ZNF736: variants seen among roughly 807,000 people sequenced by gnomAD.
The protein encoded by ZNF736 is zinc finger protein 736.
ZNF736 carries 6 observed loss-of-function variants against 11.7 expected under a neutral mutation model. That is an observed-to-expected ratio of 0.51 (90% CI 0.28 to 1.01). The LOEUF (loss-of-function observed/expected upper bound fraction) is 1.01, where lower values mean the gene tolerates loss of function less well. Ranked by LOEUF, ZNF736 falls within the 50% of genes least tolerant of loss-of-function variation. The pLI is 0.09. For missense variants in ZNF736, 444 were observed against 496.0 expected (o/e 0.90, Z 1.00); for synonymous variants, 139 against 164.7 (o/e 0.84, Z 1.19).
intron 1 of ZNF736, among the ~76,000 whole-genome samples, chr7:64,316,762 A>G (rs1024484860): frequency 1.8e-4 from 28 of 152,186 alleles, no homozygotes; most frequent in Admixed American, 8.5e-4. Context: ...ATTTTCTAAA[A>G]GAAAAGAGGT....
At chr7:64,336,649 A>T (rs1789255546) in intron 2 of ZNF736, among the ~76,000 whole-genome samples, 1 of 152,218 alleles carries the variant, frequency 6.6e-6, no homozygotes, top group Admixed American at 6.5e-5. Context: ...ATTGTTACCC[A>T]CACCTAAAAA....
At chr7:64,335,729 T>C (rs1789239761) in intron 1 of ZNF736, among the ~76,000 whole-genome samples, 1 of 152,166 alleles carries the variant, frequency 6.6e-6, no homozygotes, top group African/African-American at 2.4e-5. Flanking sequence ...TCAAATAAAC[T>C]AAAAACCTAG....
chr7:64,335,706 C>T (rs1160860681), intron 1 of ZNF736, among the ~76,000 whole-genome samples: 1 of 152,180 alleles, frequency 6.6e-6, no homozygotes, highest in Non-Finnish European at 1.5e-5. Flanking sequence ...AGGCTCTCGT[C>T]TTTCTTTACT....
intron 1 of ZNF736, among the ~76,000 whole-genome samples, chr7:64,332,471 G>A (rs1371066016): frequency 1.3e-5 from 2 of 152,196 alleles, no homozygotes; most frequent in African/African-American, 4.8e-5. Context: ...AAGATCACAT[G>A]CTTCTGAGGG....
intron 1 of ZNF736, among the ~76,000 whole-genome samples, chr7:64,322,522 T>C (rs961858496): frequency 2.0e-5 from 3 of 152,164 alleles, no homozygotes; most frequent in Admixed American, 6.5e-5. Context: ...CAAAATACAT[T>C]GTGAGCAGGA....
intron 1 of ZNF736, among the ~76,000 whole-genome samples, chr7:64,316,643 T>C (rs1473570413): frequency 1.3e-5 from 2 of 152,172 alleles, no homozygotes; most frequent in Admixed American, 6.5e-5. Context: ...CAGCACTACT[T>C]CTCCCTGTGT....
At chr7:64,337,746 G>GTTTTTTTTTTT (rs1187066176) in intron 3 of ZNF736, among the ~76,000 whole-genome samples, 1 of 79,360 alleles carries the variant, frequency 1.3e-5, no homozygotes, top group African/African-American at 4.0e-5. Context: ...GTTTTGTTTT[G>GTTTTTTTTTTT]TTTTTTTTGG....
At chr7:64,342,898 T>C (rs1463281004) in intron 3 of ZNF736, among the ~76,000 whole-genome samples, 23 of 152,110 alleles carry the variant, frequency 1.5e-4, no homozygotes, top group Non-Finnish European at 1.8e-4. Flanking sequence ...CATATTGTAC[T>C]GTATTTATAT....
intron 1 of ZNF736, among the ~76,000 whole-genome samples, chr7:64,335,000 G>T (rs942257998): frequency 6.6e-6 from 1 of 152,116 alleles, no homozygotes; most frequent in Non-Finnish European, 1.5e-5. Flanking sequence ...CATGGATGAA[G>T]CTGGAACCAT....
At chr7:64,320,187 G>A (rs1312947944) in intron 1 of ZNF736, among the ~76,000 whole-genome samples, 3 of 152,128 alleles carry the variant, frequency 2.0e-5, no homozygotes, top group Admixed American at 1.3e-4. Flanking sequence ...TAGCTCTTCT[G>A]TAATCAAAAC....
Position 64,348,940 on chromosome 7 carries a change from C to A in ZNF736, c.1077C>A (p.His359Gln). The stretch of plus-strand genomic sequence containing the variant: ...CCCGCTCCTCAACCCTTTTTAACCA[C>A]AAGAGAATTCATATGGAAGAGAGAC... ...AFTRSSTLFN[H>Q]KRIHMEERPY... Residue 359 changes from histidine (H) to glutamine (Q), a missense_variant, in exon 4 of 4, where the codon CAC becomes CAA. His to Gln is a conservative substitution (Grantham distance 24). Transcript: ENST00000423484. 1 of 1,596,910 alleles carries A rather than the reference C, an allele frequency of 6.3e-7. No homozygotes were observed. The highest frequency in any genetic ancestry group is 8.5e-7 in the Non-Finnish European group (1 of 1,171,154).
Position 64,353,669 on chromosome 7 carries a change from C to T in ZNF736, c.*4522C>T, listed in dbSNP as rs750280066. On this transcript the variant is annotated 3_prime_UTR_variant, in exon 4 of 4. Transcript: ENST00000423484. Reference sequence around the variant, plus strand: ...GGATTAAGTAAACTGAAACCTAAGACACACGAAGAAATTCTAAGTGGAAAG... The same window carrying T: ...GGATTAAGTAAACTGAAACCTAAGATACACGAAGAAATTCTAAGTGGAAAG... 1.4e-5 allele frequency: 2 copies of T among 145,242 alleles called. No homozygotes were observed. The highest frequency in any genetic ancestry group is 5.2e-5 in the African/African-American group (2 of 38,622). 9.0% of individuals were successfully genotyped at this position (145,242 alleles called of 1,614,324 possible).
chr7:64,326,288 G>T (rs1789081900), intron 1 of ZNF736, among the ~76,000 whole-genome samples: 1 of 152,274 alleles, frequency 6.6e-6, no homozygotes, highest in East Asian at 1.9e-4. Flanking sequence ...CCCAAAATCT[G>T]CAGGCAGAAT....
intron 1 of ZNF736, among the ~76,000 whole-genome samples, chr7:64,329,586 T>C (rs1488063052): frequency 2.0e-5 from 3 of 152,102 alleles, no homozygotes; most frequent in Admixed American, 1.3e-4. Flanking sequence ...CTTTTTCTAT[T>C]TTTTTACATT....
At chr7:64,332,406 T>C (rs1409330361) in intron 1 of ZNF736, among the ~76,000 whole-genome samples, 1 of 151,888 alleles carries the variant, frequency 6.6e-6, no homozygotes, top group Non-Finnish European at 1.5e-5. Flanking sequence ...GGAGGGGGTG[T>C]AAAACAGGGA....
At chr7:64,340,010 G>A (rs750567426) in intron 3 of ZNF736, among the ~76,000 whole-genome samples, 1 of 152,138 alleles carries the variant, frequency 6.6e-6, no homozygotes, top group Non-Finnish European at 1.5e-5. Flanking sequence ...TGCTTTTAGT[G>A]GGTTTGTTAC....
At position 64,356,517 on chromosome 7, in the gene ZNF736, T is replaced by G. The variant is rs1187448983; in HGVS notation, c.*7370T>G. 1.3e-5 allele frequency among the ~76,000 whole-genome samples: 2 copies of G among 152,166 alleles called. No individual in the cohort carries two copies. The highest frequency in any genetic ancestry group is 4.8e-5 in the African/African-American group (2 of 41,464). Reference sequence around the variant, plus strand: ...AATTGCATACCTAGCTAAATTTTTTTAAGATTGAGGATAATATGTAAAATA... The same window carrying G: ...AATTGCATACCTAGCTAAATTTTTTGAAGATTGAGGATAATATGTAAAATA... On this transcript the variant is annotated 3_prime_UTR_variant, in exon 4 of 4. Transcript: ENST00000423484.
chr7:64,336,327 T>C lies in ZNF736; in HGVS notation c.72T>C (p.Ala24=), dbSNP rs1419391319. The C allele has an allele frequency of 5.0e-6, 8 of 1,613,862 alleles. No homozygotes were observed. The highest frequency in any genetic ancestry group is 1.6e-4 in the Middle Eastern group (1 of 6,062). ...SPEEWECLDS[A]QQRLYRDVML... is the part of the protein sequence containing the mutation. ...AAGAGTGGGAATGCCTGGACTCTGCTCAGCAGCGTTTGTATAGGGATGTGA... is the reference window on the plus strand; with the variant it reads ...AAGAGTGGGAATGCCTGGACTCTGCCCAGCAGCGTTTGTATAGGGATGTGA... Residue 24 remains alanine, a synonymous_variant, in exon 2 of 4, where the codon GCT becomes GCC. Transcript: ENST00000423484.
chr7:64,332,828 TA>T (rs1789189856), intron 1 of ZNF736, among the ~76,000 whole-genome samples: 3 of 152,216 alleles, frequency 2.0e-5, no homozygotes, highest in Non-Finnish European at 4.4e-5. Context: ...TGCCTGTTTA[TA>T]GGCTCTCTGC....
Sources: gnomAD v4.1 joint callset for allele counts (sites outside exome capture counted in the v4.1 genomes callset) on GRCh38, gnomAD v4.1.1 for gene constraint, MANE v1.5 for transcripts, NCBI Gene and HGNC (gene_info 2026-07-23, HGNC 2026-07-21) for gene names.